FAT3: variants seen among roughly 807,000 people sequenced by gnomAD.
FAT3 encodes FAT atypical cadherin 3, also known as protocadherin Fat 3.
FAT3 carries 95 observed loss-of-function variants against 310.2 expected under a neutral mutation model. That is an observed-to-expected ratio of 0.31 (90% CI 0.26 to 0.36). FAT3 has a LOEUF of 0.36. Ranked by LOEUF, FAT3 falls within the 10% of genes least tolerant of loss-of-function variation. The probability of loss-of-function intolerance (pLI) is 1.00; values close to 1 mark genes in which losing one functional copy is unlikely to be tolerated. For missense variants in FAT3, 5,408 were observed against 5,715.6 expected (o/e 0.95, Z 1.74); for synonymous variants, 2,314 against 2,192.9 (o/e 1.06, Z -1.54).
At chr11:92,776,001 T>C (rs1429729151) in intron 7 of FAT3, among the ~76,000 whole-genome samples, 1 of 152,204 alleles carries the variant, frequency 6.6e-6, no homozygotes, top group Non-Finnish European at 1.5e-5. Context: ...ACCCACCTGC[T>C]GTATTGCTGT....
chr11:92,309,164 C>A (rs895686779), intron 1 of FAT3, among the ~76,000 whole-genome samples: 1 of 147,412 alleles, frequency 6.8e-6, no homozygotes, highest in Non-Finnish European at 1.5e-5. Context: ...CCCACACCCC[C>A]CTTTCCTGCA....
intron 2 of FAT3, among the ~76,000 whole-genome samples, chr11:92,387,135 C>T (rs992759989): frequency 1.3e-5 from 2 of 149,328 alleles, no homozygotes; most frequent in Non-Finnish European, 3.0e-5. Context: ...AACGTCAGAG[C>T]GTCCTTTCCA....
chr11:92,807,655 C>G (rs1019268586), intron 12 of FAT3, among the ~76,000 whole-genome samples: 3 of 152,126 alleles, frequency 2.0e-5, no homozygotes, highest in African/African-American at 4.8e-5. Flanking sequence ...CTTTAGGGTC[C>G]TTTTCTGATT....
At chr11:92,718,632 A>G (rs992037621) in intron 4 of FAT3, among the ~76,000 whole-genome samples, 1 of 152,236 alleles carries the variant, frequency 6.6e-6, no homozygotes, top group Non-Finnish European at 1.5e-5. Context: ...TTTATTCTTT[A>G]TTTCTCTACC....
intron 9 of FAT3, among the ~76,000 whole-genome samples, chr11:92,795,720 G>C (rs1286503962): frequency 6.6e-6 from 1 of 152,024 alleles, no homozygotes; most frequent in Non-Finnish European, 1.5e-5. Flanking sequence ...AGACCAGCCT[G>C]ACCAACGTGG....
chr11:92,875,165 T>TAA (rs11421964), intron 22 of FAT3, among the ~76,000 whole-genome samples: 152 of 145,088 alleles, frequency 1.0e-3, no homozygotes, highest in Non-Finnish European at 1.9e-3. Context: ...CTTCTTTCAC[T>TAA]AAAAAAAAAA....
intron 3 of FAT3, among the ~76,000 whole-genome samples, chr11:92,691,039 GGGTGACCCACCCA>G (rs1472030671): frequency 6.6e-6 from 1 of 152,166 alleles, no homozygotes; most frequent in Non-Finnish European, 1.5e-5. Flanking sequence ...GTTCCCGATT[GGGTGACCCACCCA>G]GGTCCTGCAC....
At chr11:92,336,184 A>C (rs1016098884) in intron 1 of FAT3, 2 of 565,148 alleles carry the variant, frequency 3.5e-6, no homozygotes, top group Non-Finnish European at 7.1e-6. Context: ...TAGGCCACAA[A>C]GGTGCTGCCA....
chr11:92,828,056 T>C (rs7109743), intron 13 of FAT3, among the ~76,000 whole-genome samples: 2,074 of 152,148 alleles, frequency 0.014, 52 homozygotes, highest in African/African-American at 0.047. Flanking sequence ...TGTTATACCT[T>C]AATGTAACAC....
intron 2 of FAT3, among the ~76,000 whole-genome samples, chr11:92,382,810 G>A (rs1270667946): frequency 6.6e-6 from 1 of 152,128 alleles, no homozygotes; most frequent in African/African-American, 2.4e-5. Context: ...CCAGGCTTCT[G>A]CCTTTTTAAA....
At chr11:92,618,824 AT>A (rs113344712) in intron 3 of FAT3, among the ~76,000 whole-genome samples, 130 of 149,890 alleles carry the variant, frequency 8.7e-4, no homozygotes, top group African/African-American at 1.6e-3. Flanking sequence ...TTCCAACTTG[AT>A]TTTTTTTTTC....
chr11:92,764,979 T>A lies in FAT3; in HGVS notation c.4085T>A (p.Phe1362Tyr). Reference sequence around the variant, plus strand: ...CCCCCTTCACCTATACCATTGACCTTCGATGAGCCGTTTTATAACTTCACA... The same window carrying A: ...CCCCCTTCACCTATACCATTGACCTACGATGAGCCGTTTTATAACTTCACA... The part of the protein sequence containing the change: ...KPPPSPIPLT[F>Y]DEPFYNFTVM... Residue 1362 changes from phenylalanine to tyrosine, a missense_variant, in exon 6 of 28, where the codon TTC becomes TAC. Coordinates refer to ENST00000525166, the MANE Select transcript of FAT3 (RefSeq NM_001367949.2). 6.2e-7 allele frequency: 1 copy of A among 1,613,886 alleles called. No individual in the cohort carries two copies. The highest frequency in any genetic ancestry group is 8.5e-7 in the Non-Finnish European group (1 of 1,179,832).
At chr11:92,390,632 A>G (rs1463672712) in intron 2 of FAT3, among the ~76,000 whole-genome samples, 1 of 152,046 alleles carries the variant, frequency 6.6e-6, no homozygotes, top group Admixed American at 6.6e-5. Context: ...TCCTTTTTCT[A>G]TAAGGAGAAT....
At chr11:92,434,560 C>A (rs1027470921) in intron 2 of FAT3, among the ~76,000 whole-genome samples, 1 of 152,142 alleles carries the variant, frequency 6.6e-6, no homozygotes, top group Non-Finnish European at 1.5e-5. Flanking sequence ...CTGCACCTGA[C>A]ATTTTCCAGT....
chr11:92,433,273 C>T (rs373667992), intron 2 of FAT3, among the ~76,000 whole-genome samples: 1 of 152,236 alleles, frequency 6.6e-6, no homozygotes. Context: ...CCAGGCACCA[C>T]TGGGGTATGA....
At chr11:92,886,053 C>T (rs1286894478) in intron 24 of FAT3, among the ~76,000 whole-genome samples, 7 of 152,154 alleles carry the variant, frequency 4.6e-5, no homozygotes, top group Non-Finnish European at 1.0e-4. Flanking sequence ...TGTACCATTG[C>T]GTTACATGAT....
At chr11:92,511,389 T>G (rs1020058669) in intron 2 of FAT3, among the ~76,000 whole-genome samples, 10 of 152,126 alleles carry the variant, frequency 6.6e-5, no homozygotes, top group Admixed American at 5.9e-4. Flanking sequence ...TTTTTTTTGT[T>G]TCCAAATGCT....
At chr11:92,667,611 C>T (rs755542105) in intron 3 of FAT3, among the ~76,000 whole-genome samples, 16 of 152,274 alleles carry the variant, frequency 1.1e-4, no homozygotes, top group African/African-American at 3.6e-4. Flanking sequence ...TGCTGATTAA[C>T]GACACACACA....
chr11:92,751,732 A>T (rs1945833568), intron 4 of FAT3, among the ~76,000 whole-genome samples: 1 of 152,102 alleles, frequency 6.6e-6, no homozygotes, highest in Non-Finnish European at 1.5e-5. Flanking sequence ...GTTGATCCAA[A>T]GGCACACGTG....
Sources: gnomAD v4.1 joint callset for allele counts (sites outside exome capture counted in the v4.1 genomes callset) on GRCh38, gnomAD v4.1.1 for gene constraint, MANE v1.5 for transcripts, NCBI Gene and HGNC (gene_info 2026-07-23, HGNC 2026-07-21) for gene names.